TMEM116: variants seen among roughly 807,000 people sequenced by gnomAD.
TMEM116 encodes the protein transmembrane protein 116.
Under a neutral mutation model 44.3 loss-of-function variants are expected in TMEM116, and 38 were observed. The observed-to-expected ratio is 0.86, with a 90% CI of 0.66 to 1.12. The LOEUF (loss-of-function observed/expected upper bound fraction) is 1.12, where lower values mean the gene tolerates loss of function less well. Ranked by LOEUF, TMEM116 falls within the 50% of genes most tolerant of loss-of-function variation. The probability of loss-of-function intolerance (pLI) is 0.00; values close to 1 mark genes in which losing one functional copy is unlikely to be tolerated. For synonymous variants in TMEM116, 132 were observed against 144.8 expected, an observed-to-expected ratio of 0.91 and a Z score of 0.64; for missense variants, 354 against 401.7, an observed-to-expected ratio of 0.88 and a Z score of 1.01.
chr12:111,990,852 AATG>A (rs2076520862), intron 4 of TMEM116, among the ~76,000 whole-genome samples: 1 of 152,180 alleles, frequency 6.6e-6, no homozygotes, highest in African/African-American at 2.4e-5. Context: ...AATCATTTCA[AATG>A]ATGTTATAGA....
At chr12:111,998,884 A>G (rs532158261) in intron 3 of TMEM116, among the ~76,000 whole-genome samples, 2 of 152,282 alleles carry the variant, frequency 1.3e-5, no homozygotes, top group African/African-American at 2.4e-5. Context: ...ATGTTAAAAC[A>G]TATCAGAAGT....
intron 4 of TMEM116, among the ~76,000 whole-genome samples, chr12:111,947,053 A>C (rs1156854965): frequency 6.6e-6 from 1 of 152,210 alleles, no homozygotes; most frequent in Non-Finnish European, 1.5e-5. Flanking sequence ...GCCTAAAAAA[A>C]CCAAAGATTT....
intron 4 of TMEM116, among the ~76,000 whole-genome samples, chr12:111,979,237 G>A (rs1429589597): frequency 6.6e-6 from 1 of 151,936 alleles, no homozygotes; most frequent in Non-Finnish European, 1.5e-5. Flanking sequence ...CAACCCTCAC[G>A]TTTATGAATG....
chr12:111,963,847 G>A (rs1263896065), intron 4 of TMEM116, among the ~76,000 whole-genome samples: 1 of 151,884 alleles, frequency 6.6e-6, no homozygotes, highest in Non-Finnish European at 1.5e-5. Flanking sequence ...GGAAAATAGA[G>A]GCAATGAAAT....
intron 2 of TMEM116, among the ~76,000 whole-genome samples, chr12:112,004,888 G>A (rs530676273): frequency 9.2e-5 from 14 of 152,076 alleles, no homozygotes; most frequent in African/African-American, 3.4e-4. Context: ...GAGCTCAAGC[G>A]ATCTGCCCAC....
At chr12:111,970,501 T>C (rs186955805) in intron 4 of TMEM116, among the ~76,000 whole-genome samples, 8 of 150,110 alleles carry the variant, frequency 5.3e-5, no homozygotes. Context: ...ATGAAGACAA[T>C]AAACCAATAG....
At chr12:112,001,027 C>A in intron 3 of TMEM116, 1 of 196,266 alleles carries the variant, frequency 5.1e-6, no homozygotes, top group Non-Finnish European at 1.1e-5. Flanking sequence ...TTCCTCTCTG[C>A]TGCCACAAGG....
chr12:111,984,003 G>A (rs1353123426), intron 4 of TMEM116, among the ~76,000 whole-genome samples: 2 of 152,078 alleles, frequency 1.3e-5, no homozygotes, highest in African/African-American at 4.8e-5. Context: ...TTCCTGGAAT[G>A]CAACGATGGT....
At chr12:111,941,374 C>CAA (rs539600816) in intron 5 of TMEM116, among the ~76,000 whole-genome samples, 5 of 60,334 alleles carry the variant, frequency 8.3e-5, no homozygotes, top group African/African-American at 1.2e-4. Flanking sequence ...GATTCCATCT[C>CAA]AAAAAAAAAA....
chr12:112,005,143 AT>A (rs1317702322), intron 2 of TMEM116, 113 bp downstream of exon 2: 23 of 627,204 alleles, frequency 3.7e-5, no homozygotes, highest in Middle Eastern at 2.9e-4. Flanking sequence ...AAAGAATATC[AT>A]TTCTCTTTAA....
In TMEM116 at chr12:111,931,943, A is replaced by G. The variant is rs10849986; in HGVS notation, c.808-116T>C. 35,460 of 701,436 alleles carry G rather than the reference A, an allele frequency of 0.051. 7,663 individuals carry two copies. In the East Asian group the frequency reaches 0.63, roughly 13 times the overall value. 43.5% of individuals were successfully genotyped at this position (701,436 alleles called of 1,614,324 possible). ...TTATATTTTCTCTATCTCAAACATG[A>G]AGATCTGACATCAGTTTTTTATATT... On this transcript the variant is annotated intron_variant, in intron 10 of 10. Coordinates refer to ENST00000552374, the MANE Select transcript of TMEM116 (RefSeq NM_001193531.2).
intron 4 of TMEM116, among the ~76,000 whole-genome samples, chr12:111,973,950 C>T (rs1364432939): frequency 1.5e-4 from 23 of 151,956 alleles, no homozygotes; most frequent in Non-Finnish European, 2.9e-4. Flanking sequence ...AAAAATCCTA[C>T]AGTATATAAA....
At chr12:111,932,011 C>T (rs535584025) in intron 10 of TMEM116, among the ~76,000 whole-genome samples, 184 bp from the exon 11 acceptor site, 2 of 152,244 alleles carry the variant, frequency 1.3e-5, no homozygotes, top group Middle Eastern at 3.4e-3. Flanking sequence ...TACACTGTTA[C>T]GGATGACTGA....
chr12:111,964,907 G>A (rs2074884654), intron 4 of TMEM116, among the ~76,000 whole-genome samples: 1 of 151,878 alleles, frequency 6.6e-6, no homozygotes, highest in South Asian at 2.1e-4. Flanking sequence ...CACCCAGGCT[G>A]GTCTCAAACT....
intron 5 of TMEM116, among the ~76,000 whole-genome samples, 157 bp from the exon 6 acceptor site, chr12:111,938,367 T>C (rs1016717761): frequency 1.3e-5 from 2 of 152,210 alleles, no homozygotes; most frequent in African/African-American, 4.8e-5. Context: ...ATCAAATAGA[T>C]AGTTCCTTAT....
intron 4 of TMEM116, among the ~76,000 whole-genome samples, chr12:111,977,631 G>C (rs1189584723): frequency 1.3e-5 from 2 of 152,010 alleles, no homozygotes; most frequent in African/African-American, 4.8e-5. Flanking sequence ...AAAAATCAGA[G>C]AAGGAATAAA....
intron 4 of TMEM116, among the ~76,000 whole-genome samples, chr12:111,976,448 C>G (rs1401190828): frequency 6.6e-6 from 1 of 152,268 alleles, no homozygotes; most frequent in Non-Finnish European, 1.5e-5. Flanking sequence ...CCACTGCACT[C>G]TAGCCTGGGC....
chr12:111,934,096 C>A, intron 8 of TMEM116, 66 bp from the exon 9 acceptor site: 1 of 1,518,336 alleles, frequency 6.6e-7, no homozygotes, highest in Non-Finnish European at 9.0e-7. Context: ...GTCTATCCTC[C>A]TATCATTTTA....
At chr12:111,969,340 C>T (rs887946123) in intron 4 of TMEM116, among the ~76,000 whole-genome samples, 51 of 147,036 alleles carry the variant, frequency 3.5e-4, no homozygotes, top group Non-Finnish European at 6.1e-4. Context: ...AAAAAAAAAT[C>T]TACATTAAAC....
Sources: gnomAD v4.1 joint callset for allele counts (sites outside exome capture counted in the v4.1 genomes callset) on GRCh38, gnomAD v4.1.1 for gene constraint, MANE v1.5 for transcripts, NCBI Gene and HGNC (gene_info 2026-07-23, HGNC 2026-07-21) for gene names.